The following LHFPL3 variants were observed in gnomAD, a reference collection of about 807,000 sequenced individuals.
LHFPL3 encodes the protein LHFPL tetraspan subfamily member 3 protein.
In LHFPL3, 5 loss-of-function variants were observed where a neutral mutation model predicts 19.3. The ratio of observed to expected loss-of-function variants is 0.26; its 90% confidence interval spans 0.14 to 0.54. The LOEUF (loss-of-function observed/expected upper bound fraction) is 0.54, where lower values mean the gene tolerates loss of function less well. Ranked by LOEUF, LHFPL3 falls within the 20% of genes least tolerant of loss-of-function variation. The pLI is 0.94. For synonymous variants in LHFPL3, 133 were observed against 126.2 expected, an observed-to-expected ratio of 1.05 and a Z score of -0.36; for missense variants, 249 against 307.4, an observed-to-expected ratio of 0.81 and a Z score of 1.42.
rs374216558 is a variant in LHFPL3 at position 104,440,979 on chromosome 7, T to C, written c.445+111755T>C. On this transcript the variant is annotated intron_variant, in intron 1 of 2. Coordinates refer to ENST00000424859, the MANE Select transcript of LHFPL3 (RefSeq NM_199000.3). ...CATCACCACAATCAAGGTAATAAAT[T>C]TATTCATCACTTCCAAAAGTTTCCT... 3.5e-4 allele frequency among the ~76,000 whole-genome samples: 54 copies of C among 152,254 alleles called. No homozygotes were observed. The South Asian group carries it at 0.011, about 31-fold the overall frequency.
chr7:104,682,482 A>C (rs1013962657), intron 1 of LHFPL3, among the ~76,000 whole-genome samples: 3 of 152,216 alleles, frequency 2.0e-5, no homozygotes, highest in African/African-American at 7.2e-5. Context: ...AAATGTGAGA[A>C]CCTAAGTGCC....
At chr7:104,511,332 A>G (rs1356728488) in intron 1 of LHFPL3, among the ~76,000 whole-genome samples, 1 of 152,204 alleles carries the variant, frequency 6.6e-6, no homozygotes, top group East Asian at 1.9e-4. Context: ...AAGCAGGTGG[A>G]GAAACTTAAT....
chr7:104,566,276 A>G (rs1218057950), intron 1 of LHFPL3, among the ~76,000 whole-genome samples: 2 of 152,144 alleles, frequency 1.3e-5, no homozygotes, highest in Non-Finnish European at 1.5e-5. Context: ...GCTTGAGCCC[A>G]GGAGGGTGAG....
chr7:104,450,811 GA>G (rs574282501), intron 1 of LHFPL3, among the ~76,000 whole-genome samples: 6 of 151,036 alleles, frequency 4.0e-5, no homozygotes, highest in South Asian at 2.1e-4. Context: ...AAATGGAAAA[GA>G]AAAAAAAAGG....
At chr7:104,816,181 C>T (rs1168124610) in intron 2 of LHFPL3, among the ~76,000 whole-genome samples, 1 of 152,190 alleles carries the variant, frequency 6.6e-6, no homozygotes, top group Non-Finnish European at 1.5e-5. Context: ...TGTTGTTTTA[C>T]AGCAACAGCA....
intron 1 of LHFPL3, among the ~76,000 whole-genome samples, chr7:104,555,277 T>G (rs533486137): frequency 1.3e-5 from 2 of 152,314 alleles, no homozygotes; most frequent in Admixed American, 1.3e-4. Context: ...ATTTGTACCC[T>G]TATAAAAGAG....
chr7:104,540,351 CCAGGTTA>C (rs1306593422), intron 1 of LHFPL3, among the ~76,000 whole-genome samples: 2 of 152,104 alleles, frequency 1.3e-5, no homozygotes, highest in African/African-American at 4.8e-5. Context: ...ATTTTGCCCC[CCAGGTTA>C]CAGGGACATT....
intron 1 of LHFPL3, among the ~76,000 whole-genome samples, chr7:104,537,871 A>G (rs17138414): frequency 0.38 from 57,820 of 152,098 alleles, 11,313 homozygotes; most frequent in Middle Eastern, 0.47. Flanking sequence ...CTGCGCATAA[A>G]GAAATGATTA....
chr7:104,634,223 G>A (rs1791693689), intron 1 of LHFPL3, among the ~76,000 whole-genome samples: 1 of 152,164 alleles, frequency 6.6e-6, no homozygotes, highest in Non-Finnish European at 1.5e-5. Flanking sequence ...CCATATGGCA[G>A]GTGGCTTAAA....
At chr7:104,612,966 T>C (rs976771878) in intron 1 of LHFPL3, among the ~76,000 whole-genome samples, 18 of 152,238 alleles carry the variant, frequency 1.2e-4, no homozygotes, top group African/African-American at 4.1e-4. Flanking sequence ...AGAGGTGGAA[T>C]TGAAGTAATT....
chr7:104,527,470 A>C (rs530084904), intron 1 of LHFPL3, among the ~76,000 whole-genome samples: 1 of 152,248 alleles, frequency 6.6e-6, no homozygotes, highest in Non-Finnish European at 1.5e-5. Context: ...AGGGCAATGC[A>C]CTCGATTGGA....
chr7:104,417,881 CTT>C (rs1341463760), intron 1 of LHFPL3, among the ~76,000 whole-genome samples: 2 of 115,436 alleles, frequency 1.7e-5, no homozygotes, highest in Admixed American at 8.8e-5. Flanking sequence ...TCTTCTTCTT[CTT>C]CTTTTTTTTT....
At chr7:104,687,794 T>C (rs1792834040) in intron 1 of LHFPL3, among the ~76,000 whole-genome samples, 1 of 152,224 alleles carries the variant, frequency 6.6e-6, no homozygotes, top group African/African-American at 2.4e-5. Flanking sequence ...TAAGCCTATC[T>C]AGAGTTTAGG....
At chr7:104,783,517 G>A (rs1789853311) in intron 2 of LHFPL3, among the ~76,000 whole-genome samples, 1 of 152,182 alleles carries the variant, frequency 6.6e-6, no homozygotes, top group Non-Finnish European at 1.5e-5. Flanking sequence ...TAGAGAGGTA[G>A]ACTGCAAACG....
intron 1 of LHFPL3, among the ~76,000 whole-genome samples, chr7:104,542,484 G>C (rs1229633471): frequency 4.6e-5 from 7 of 152,086 alleles, no homozygotes. Flanking sequence ...ACAGACTGGG[G>C]CTGCTTTTTG....
chr7:104,697,511 G>C (rs1439522462), intron 1 of LHFPL3, among the ~76,000 whole-genome samples: 1 of 152,102 alleles, frequency 6.6e-6, no homozygotes, highest in African/African-American at 2.4e-5. Flanking sequence ...TTTCATGCCA[G>C]AAAGAAGTTT....
At chr7:104,539,055 A>G (rs1794439640) in intron 1 of LHFPL3, among the ~76,000 whole-genome samples, 1 of 152,182 alleles carries the variant, frequency 6.6e-6, no homozygotes, top group South Asian at 2.1e-4. Flanking sequence ...CTAGGAGAGT[A>G]AAAAACCAGA....
chr7:104,415,452 T>C (rs1428768386), intron 1 of LHFPL3, among the ~76,000 whole-genome samples: 1 of 152,236 alleles, frequency 6.6e-6, no homozygotes, highest in East Asian at 1.9e-4. Flanking sequence ...ATGCATACTT[T>C]GGGTCACTGT....
intron 1 of LHFPL3, among the ~76,000 whole-genome samples, chr7:104,693,237 G>T (rs541802525): frequency 1.6e-3 from 249 of 152,260 alleles, no homozygotes; most frequent in Non-Finnish European, 2.8e-3. Flanking sequence ...CCTTGTTTTT[G>T]ATTTCACAGG....
Sources: gnomAD v4.1 joint callset for allele counts (sites outside exome capture counted in the v4.1 genomes callset) on GRCh38, gnomAD v4.1.1 for gene constraint, MANE v1.5 for transcripts, NCBI Gene and HGNC (gene_info 2026-07-23, HGNC 2026-07-21) for gene names.